KCTD16: variants seen among roughly 807,000 people sequenced by gnomAD.
KCTD16 encodes the protein potassium channel tetramerization domain containing 16.
KCTD16 carries 13 observed loss-of-function variants against 33.2 expected under a neutral mutation model. The ratio of observed to expected loss-of-function variants is 0.39; its 90% confidence interval spans 0.25 to 0.62. The LOEUF (loss-of-function observed/expected upper bound fraction) is 0.62. Among genes scored for constraint, KCTD16 ranks in the 20% least tolerant of loss-of-function variants. The probability of loss-of-function intolerance (pLI) is 0.50; values close to 1 mark genes in which losing one functional copy is unlikely to be tolerated. For synonymous variants in KCTD16, 197 were observed against 195.3 expected (o/e 1.01, Z -0.07); for missense variants, 441 against 525.1 (o/e 0.84, Z 1.57).
Position 144,207,062 on chromosome 5 carries a change from A to G in KCTD16, c.348A>G (p.Pro116=), listed in dbSNP as rs777184340. The G allele has an allele frequency of 4.0e-5, 64 of 1,613,710 alleles. No individual in the cohort carries two copies. The highest frequency in any genetic ancestry group is 5.2e-5 in the Non-Finnish European group (61 of 1,179,908). ...GGGAAGCTGAATACTTCCAGCTCCCAGACTTGGTCAAACTCCTGACCCCCG... is the reference window on the plus strand; with the variant it reads ...GGGAAGCTGAATACTTCCAGCTCCCGGACTTGGTCAAACTCCTGACCCCCG... ...LKREAEYFQL[P]DLVKLLTPDE... The change falls in exon 3 of 4, where the codon CCA becomes CCG. Residue 116 remains proline (P), a synonymous_variant. Transcript: ENST00000512467.
chr5:144,389,421 G>A (rs1752402140), intron 3 of KCTD16, among the ~76,000 whole-genome samples: 1 of 151,964 alleles, frequency 6.6e-6, no homozygotes, highest in Admixed American at 6.6e-5. Flanking sequence ...TGTGAACTGA[G>A]CATGCAAGGG....
intron 3 of KCTD16, among the ~76,000 whole-genome samples, chr5:144,241,156 GTCTGAA>G (rs1403903639): frequency 2.6e-5 from 4 of 152,108 alleles, no homozygotes; most frequent in African/African-American, 7.2e-5. Context: ...TTGAGCTTTA[GTCTGAA>G]TCTGATTTTC....
At chr5:144,226,296 G>T (rs1753928978) in intron 3 of KCTD16, among the ~76,000 whole-genome samples, 1 of 152,134 alleles carries the variant, frequency 6.6e-6, no homozygotes, top group Non-Finnish European at 1.5e-5. Flanking sequence ...TCTTACCAAA[G>T]ATCATAGCTA....
chr5:144,300,041 T>A (rs1274184272), intron 3 of KCTD16, among the ~76,000 whole-genome samples: 1 of 152,216 alleles, frequency 6.6e-6, no homozygotes, highest in Admixed American at 6.5e-5. Context: ...TCAGTATAAC[T>A]GCATTGCTTC....
chr5:144,442,980 T>G (rs1266023818), intron 3 of KCTD16, among the ~76,000 whole-genome samples: 1 of 152,114 alleles, frequency 6.6e-6, no homozygotes, highest in Non-Finnish European at 1.5e-5. Flanking sequence ...GGCCTCAATA[T>G]TTTCAGCCTG....
At chr5:144,297,369 G>A (rs1353082406) in intron 3 of KCTD16, among the ~76,000 whole-genome samples, 1 of 152,164 alleles carries the variant, frequency 6.6e-6, no homozygotes, top group African/African-American at 2.4e-5. Context: ...TAAGAAGAAG[G>A]TCTGAAGTCA....
At chr5:144,402,788 G>A (rs1176104300) in intron 3 of KCTD16, among the ~76,000 whole-genome samples, 1 of 152,022 alleles carries the variant, frequency 6.6e-6, no homozygotes. Flanking sequence ...TAAATATCTG[G>A]TTTTTAAAAT....
rs1192348710 is a variant in KCTD16, at chr5:144,275,904, T to C, written c.832+68358T>C. Among the ~76,000 whole-genome samples the C allele has an allele frequency of 2.6e-5, 4 of 152,322 alleles. No homozygotes were observed. In the South Asian group the frequency reaches 6.2e-4, roughly 24 times the overall value. Reference sequence around the variant, plus strand: ...AATATTCTTACAACAAGCTGTACCATGACGAAAGCCTTTCTTGACAAGGTT... The same window carrying C: ...AATATTCTTACAACAAGCTGTACCACGACGAAAGCCTTTCTTGACAAGGTT... On this transcript the variant is annotated intron_variant, in intron 3 of 3. Transcript: ENST00000512467.
chr5:144,299,373 G>C (rs6892430), intron 3 of KCTD16, among the ~76,000 whole-genome samples: 18,198 of 151,004 alleles, frequency 0.12, 2,866 homozygotes, highest in African/African-American at 0.36. Context: ...TTACGACATA[G>C]ACAAAAATAG....
intron 2 of KCTD16, among the ~76,000 whole-genome samples, chr5:144,181,203 G>C (rs1436871832): frequency 6.6e-6 from 1 of 152,146 alleles, no homozygotes. Context: ...AAAGTGCTGG[G>C]ATTACAGGCG....
chr5:144,187,974 A>G (rs73792187), intron 2 of KCTD16, among the ~76,000 whole-genome samples: 1 of 152,222 alleles, frequency 6.6e-6, no homozygotes, highest in Non-Finnish European at 1.5e-5. Flanking sequence ...TGGTTAATCT[A>G]GTAGACAGCA....
At chr5:144,241,125 CTT>C (rs1456304778) in intron 3 of KCTD16, among the ~76,000 whole-genome samples, 1 of 152,086 alleles carries the variant, frequency 6.6e-6, no homozygotes, top group African/African-American at 2.4e-5. Context: ...CCTCTTAACT[CTT>C]AAACTCACTC....
chr5:144,430,247 A>G (rs1753428859), intron 3 of KCTD16, among the ~76,000 whole-genome samples: 1 of 152,158 alleles, frequency 6.6e-6, no homozygotes, highest in Non-Finnish European at 1.5e-5. Context: ...TATTACACAG[A>G]CAAAATCCAT....
intron 2 of KCTD16, chr5:144,205,294 C>T (rs2126788155): frequency 2.8e-6 from 1 of 355,656 alleles, no homozygotes; most frequent in Non-Finnish European, 5.0e-6. Flanking sequence ...GGACGTGACT[C>T]GGAGCTGCCT....
chr5:144,370,570 G>T (rs1437961976), intron 3 of KCTD16, among the ~76,000 whole-genome samples: 2 of 152,184 alleles, frequency 1.3e-5, no homozygotes, highest in East Asian at 1.9e-4. Context: ...GCATGGAAAA[G>T]TTAAATGATT....
chr5:144,401,649 AC>A (rs1016488383), intron 3 of KCTD16, among the ~76,000 whole-genome samples: 47 of 152,312 alleles, frequency 3.1e-4, no homozygotes, highest in African/African-American at 1.1e-3. Context: ...CTTTGGGGCA[AC>A]AAAAATATGT....
rs182523957 is a variant in KCTD16 at position 144,407,724 on chromosome 5, G to T, written c.833-65936G>T. Among the ~76,000 whole-genome samples the T allele has an allele frequency of 3.6e-3, 545 of 152,168 alleles. 3 individuals carry two copies. In the Middle Eastern group the frequency reaches 0.041, roughly 11 times the overall value. On this transcript the variant is annotated intron_variant, in intron 3 of 3. Coordinates refer to ENST00000512467, the MANE Select transcript of KCTD16 (RefSeq NM_020768.4). ...CCCACCCCCTCACAGGCCCTGGTGT[G>T]TGTTGTTTCCCTCCCTGTGTCCATG... is the stretch of plus-strand genomic sequence containing the variant.
At chr5:144,391,359 C>T (rs1262460957) in intron 3 of KCTD16, among the ~76,000 whole-genome samples, 1 of 152,174 alleles carries the variant, frequency 6.6e-6, no homozygotes, top group African/African-American at 2.4e-5. Context: ...AGTTCTTTTG[C>T]CCGATCAATT....
intron 3 of KCTD16, among the ~76,000 whole-genome samples, chr5:144,223,085 T>A (rs977624153): frequency 1.3e-5 from 2 of 152,030 alleles, no homozygotes; most frequent in African/African-American, 4.8e-5. Flanking sequence ...TAGGTGGGAA[T>A]TGAACAATGA....
Sources: gnomAD v4.1 joint callset for allele counts (sites outside exome capture counted in the v4.1 genomes callset) on GRCh38, gnomAD v4.1.1 for gene constraint, MANE v1.5 for transcripts, NCBI Gene and HGNC (gene_info 2026-07-23, HGNC 2026-07-21) for gene names.